The following AAK1 variants were observed in gnomAD, a reference collection of about 807,000 sequenced individuals.
The protein encoded by AAK1 is AP2-associated protein kinase 1.
In AAK1, 37 loss-of-function variants were observed where a neutral mutation model predicts 116.0. The observed-to-expected ratio is 0.32, with a 90% CI of 0.25 to 0.42. AAK1 has a LOEUF of 0.42. Ranked by LOEUF, AAK1 falls within the 10% of genes least tolerant of loss-of-function variation. The pLI is 1.00. For missense variants in AAK1, 919 were observed against 1,170.6 expected (o/e 0.79, Z 3.14); for synonymous variants, 458 against 439.9 (o/e 1.04, Z -0.51).
chr2:69,529,854 A>G (rs1174980149), intron 8 of AAK1, among the ~76,000 whole-genome samples, 154 bp downstream of exon 8: 1 of 152,156 alleles, frequency 6.6e-6, no homozygotes, highest in Non-Finnish European at 1.5e-5. Flanking sequence ...CTCTAACTAG[A>G]CAGTTACATT....
At position 69,519,049 on chromosome 2, in the gene AAK1, A is replaced by T. The variant is rs1342420410; in HGVS notation, c.1402T>A (p.Phe468Ile). 1.3e-6 allele frequency: 2 copies of T among 1,550,504 alleles called. No individual in the cohort carries two copies. Among genetic ancestry groups the T allele is most frequent in the East Asian group, 2.4e-5 (1 of 40,894 alleles). ...QATPQHQQQL[F>I]LKQQQQQQQP... ...TGCTGCTGCTGTTGCTGCTTGAGGAAGAGTTGCTGCTGGTGCTGGGGTGTG... is the reference window on the plus strand; with the variant it reads ...TGCTGCTGCTGTTGCTGCTTGAGGATGAGTTGCTGCTGGTGCTGGGGTGTG... Residue 468 changes from phenylalanine to isoleucine, a missense_variant, in exon 12 of 22, where the codon TTC becomes ATC. Phe to Ile is a conservative substitution (Grantham distance 21). This residue lies in a region of AAK1 where 214 missense variants were observed against 210.6 expected (regional missense o/e 1.02). Transcript: ENST00000409085.
At chr2:69,634,720 T>C (rs1005331385) in intron 2 of AAK1, among the ~76,000 whole-genome samples, 1 of 152,238 alleles carries the variant, frequency 6.6e-6, no homozygotes, top group African/African-American at 2.4e-5. Flanking sequence ...AAAGATTTCA[T>C]GAAGACAGAC....
chr2:69,494,491 T>C (rs1465802389), intron 17 of AAK1, among the ~76,000 whole-genome samples: 1 of 152,162 alleles, frequency 6.6e-6, no homozygotes, highest in African/African-American at 2.4e-5. Flanking sequence ...CTGCAGCCCA[T>C]GGGCTACCTA....
intron 2 of AAK1, among the ~76,000 whole-genome samples, chr2:69,610,607 C>G (rs1256392211): frequency 1.3e-5 from 2 of 152,218 alleles, no homozygotes; most frequent in Non-Finnish European, 2.9e-5. Context: ...ATAAATCATA[C>G]ATCTGATAAG....
chr2:69,642,953 G>A lies in AAK1; in HGVS notation c.88C>T (p.Leu30=), dbSNP rs752673802. Residue 30 remains leucine (L), a synonymous_variant, in exon 2 of 22, where the codon CTG becomes TTG. Transcript: ENST00000409085. ...ACTCTTCCGATGTAGCCACTGCCCA[G>A]GCCCGAGGTGCTGCCCCCTCCTCCG... ...SSGGGGSTSG[L]GSGYIGRVFG... The A allele has an allele frequency of 1.9e-6, 3 of 1,613,796 alleles. No individual in the cohort carries two copies. Among genetic ancestry groups the A allele is most frequent in the East Asian group, 2.2e-5 (1 of 44,882 alleles).
At chr2:69,511,662 A>G (rs1292253516) in intron 13 of AAK1, among the ~76,000 whole-genome samples, 1 of 152,226 alleles carries the variant, frequency 6.6e-6, no homozygotes, top group African/African-American at 2.4e-5. Context: ...GTCCAGTGAC[A>G]ACTCTATTCT....
chr2:69,632,159 A>C (rs1033537382), intron 2 of AAK1, among the ~76,000 whole-genome samples: 21 of 152,230 alleles, frequency 1.4e-4, no homozygotes, highest in African/African-American at 5.1e-4. Context: ...ATAAACACAG[A>C]ACATCTGAAT....
intron 6 of AAK1, chr2:69,531,832 T>A: frequency 7.9e-7 from 1 of 1,258,966 alleles, no homozygotes. Flanking sequence ...GCTCTAAGAG[T>A]CCTTCCTTTT....
intron 2 of AAK1, among the ~76,000 whole-genome samples, chr2:69,559,292 ACACACACT>A (rs747928527): frequency 0.033 from 4,380 of 133,488 alleles, 119 homozygotes; most frequent in Non-Finnish European, 0.042. Context: ...ACACACACAC[ACACACACT>A]CTCTCTCTCC....
chr2:69,553,882 C>A (rs1201959829), intron 3 of AAK1, among the ~76,000 whole-genome samples: 1 of 151,236 alleles, frequency 6.6e-6, no homozygotes, highest in African/African-American at 2.4e-5. Flanking sequence ...GTGAGACCAG[C>A]CTGGGCAACA....
At chr2:69,629,368 G>A (rs1333188976) in intron 2 of AAK1, among the ~76,000 whole-genome samples, 1 of 152,182 alleles carries the variant, frequency 6.6e-6, no homozygotes, top group African/African-American at 2.4e-5. Context: ...CATCTTTACA[G>A]TATAGCATTT....
chr2:69,571,016 G>T (rs891014821), intron 2 of AAK1, among the ~76,000 whole-genome samples: 4 of 151,838 alleles, frequency 2.6e-5, no homozygotes, highest in Admixed American at 1.3e-4. Flanking sequence ...CCACCCCCAT[G>T]CCCACCTTGA....
intron 2 of AAK1, among the ~76,000 whole-genome samples, chr2:69,589,708 CAAAAAAA>C (rs762986666): frequency 1.4e-4 from 8 of 58,684 alleles, no homozygotes; most frequent in Non-Finnish European, 2.9e-4. Flanking sequence ...AACTCTGTCT[CAAAAAAA>C]AAAAAAAAAA....
chr2:69,506,194 A>T (rs897909998), intron 15 of AAK1, among the ~76,000 whole-genome samples: 1 of 152,228 alleles, frequency 6.6e-6, no homozygotes, highest in Non-Finnish European at 1.5e-5. Flanking sequence ...GGAAATTATT[A>T]AAACTCAGGG....
At chr2:69,626,505 A>AT (rs370781000) in intron 2 of AAK1, among the ~76,000 whole-genome samples, 8,135 of 145,494 alleles carry the variant, frequency 0.056, 501 homozygotes, top group East Asian at 0.16. Context: ...TATTATTATT[A>AT]TTATTTTTTT....
chr2:69,493,045 G>C (rs913939292), intron 17 of AAK1, among the ~76,000 whole-genome samples: 4 of 151,448 alleles, frequency 2.6e-5, no homozygotes, highest in African/African-American at 9.7e-5. Flanking sequence ...TGTTAAAAAA[G>C]GATGCAGTAA....
chr2:69,554,350 T>G (rs751345413), intron 3 of AAK1, among the ~76,000 whole-genome samples: 2 of 152,178 alleles, frequency 1.3e-5, no homozygotes, highest in Non-Finnish European at 2.9e-5. Context: ...GGAATTAAAC[T>G]GTTAAAAAGT....
intron 3 of AAK1, among the ~76,000 whole-genome samples, chr2:69,549,457 CCT>C (rs1407394118): frequency 1.3e-5 from 2 of 152,086 alleles, no homozygotes; most frequent in Non-Finnish European, 1.5e-5. Flanking sequence ...TGAAACATCC[CCT>C]CTTTCTCTGA....
At position 69,476,116 on chromosome 2, in the gene AAK1, T is replaced by G. The variant is rs151239920; in HGVS notation, c.2792-153A>C. On this transcript the variant is annotated intron_variant, in intron 21 of 21. Transcript: ENST00000409085. Reference sequence around the variant, plus strand: ...CCCTAGAGAAGCAATATTTTACATTTGCAAACCCTTACACGTTGATTTTGA... The same window carrying G: ...CCCTAGAGAAGCAATATTTTACATTGGCAAACCCTTACACGTTGATTTTGA... Among the ~76,000 whole-genome samples, 531 of 152,344 alleles carry G rather than the reference T, an allele frequency of 3.5e-3. 3 individuals are homozygous for G. The highest frequency in any genetic ancestry group is 0.01 in the African/African-American group (426 of 41,574).
Sources: gnomAD v4.1 joint callset for allele counts (sites outside exome capture counted in the v4.1 genomes callset) on GRCh38, gnomAD v4.1.1 for gene constraint, gnomAD v4.1.1 regional missense constraint, MANE v1.5 for transcripts, NCBI Gene and HGNC (gene_info 2026-07-23, HGNC 2026-07-21) for gene names.